Variants in CDH3 observed in about 807,000 individuals in gnomAD.
CDH3 encodes cadherin 3.
Under a neutral mutation model 82.0 loss-of-function variants are expected in CDH3, and 54 were observed. The observed-to-expected ratio is 0.66, with a 90% CI of 0.53 to 0.83. The LOEUF (loss-of-function observed/expected upper bound fraction) is 0.83. CDH3 is among the 40% of genes least tolerant of loss of function. The pLI, the probability that CDH3 is intolerant of heterozygous loss-of-function variation, is 0.00. For missense variants in CDH3, 1,054 were observed against 1,084.6 expected (o/e 0.97, Z 0.40); for synonymous variants, 446 against 437.9 (o/e 1.02, Z -0.23).
chr16:68,731,231 A>G (rs1290961469), downstream of CDH3, among the ~76,000 whole-genome samples: 1 of 133,200 alleles, frequency 7.5e-6, no homozygotes, highest in African/African-American at 2.8e-5. Context: ...GTGGTGGCGC[A>G]TGCCTGTAAT....
rs370042148 is a variant in CDH3 at position 68,686,552 on chromosome 16, G to C, written c.1571-960G>C. The C allele has an allele frequency of 8.5e-5, 100 of 1,176,220 alleles. No individual in the cohort carries two copies. The African/African-American group carries it at 1.3e-3, about 16-fold the overall frequency. 72.9% of individuals were successfully genotyped at this position (1,176,220 alleles called of 1,614,324 possible). A position where few individuals can be genotyped will look rare whatever the true frequency, so the allele number is the denominator to read the frequency against. ...ATCGGATTCTAAAGGAAAGGGTGGA[G>C]GGATTCAACCAGTTAGCGTGAAAGT... On this transcript the variant is annotated intron_variant, in intron 11 of 15. Transcript: ENST00000264012.
chr16:68,691,389 A>C (rs1394394742), intron 12 of CDH3, among the ~76,000 whole-genome samples: 1 of 152,188 alleles, frequency 6.6e-6, no homozygotes, highest in Non-Finnish European at 1.5e-5. Flanking sequence ...TTTTTGAAGC[A>C]AAAAAACAGT....
intron 2 of CDH3, among the ~76,000 whole-genome samples, chr16:68,724,644 T>C (rs1211694450): frequency 7.0e-6 from 1 of 142,010 alleles, no homozygotes; most frequent in East Asian, 2.0e-4. Flanking sequence ...AAAAAAAAAA[T>C]GGTCTCGAGA....
chr16:68,728,127 T>C (rs1962238049), downstream of CDH3, among the ~76,000 whole-genome samples: 1 of 151,610 alleles, frequency 6.6e-6, no homozygotes, highest in Admixed American at 6.6e-5. Context: ...GATAAGTGTT[T>C]ACTTGTCTCC....
At chr16:68,718,606 C>T (rs757772858) in intron 1 of CDH3, among the ~76,000 whole-genome samples, 7 of 151,984 alleles carry the variant, frequency 4.6e-5, no homozygotes, top group Admixed American at 6.6e-5. Context: ...CGCTTGAACC[C>T]GGGAGGTGGA....
At chr16:68,713,197 C>T (rs1182023456) in intron 1 of CDH3, among the ~76,000 whole-genome samples, 1 of 152,068 alleles carries the variant, frequency 6.6e-6, no homozygotes, top group Non-Finnish European at 1.5e-5. Context: ...ACATTGTTTC[C>T]GTCAAGGAAA....
chr16:68,720,311 C>T (rs1378478676), intron 1 of CDH3, among the ~76,000 whole-genome samples: 1 of 151,886 alleles, frequency 6.6e-6, no homozygotes, highest in Non-Finnish European at 1.5e-5. Context: ...CTGTGAAATT[C>T]TGGGTAGCAA....
chr16:68,695,493 C>A, intron 14 of CDH3, 108 bp downstream of exon 14: 1 of 1,127,806 alleles, frequency 8.9e-7, no homozygotes, highest in Non-Finnish European at 1.3e-6. Flanking sequence ...CAGGCCCTGG[C>A]ATGAAGCATG....
rs1960247304 is a variant in CDH3 at position 68,651,516 on chromosome 16, G to A, written c.160+5766G>A. ...GTCGAAGTTTTGCTCCTGCTTCTTT[G>A]AGTACCTGACACTGATGTCCACCCC... On this transcript the variant is annotated intron_variant, in intron 2 of 15. Coordinates refer to ENST00000264012, the MANE Select transcript of CDH3 (RefSeq NM_001793.6). 1.4e-5 allele frequency: 7 copies of A among 495,978 alleles called. No individual in the cohort carries two copies. In the Admixed American group the frequency reaches 1.6e-4, roughly 11 times the overall value. The allele number at this position is 495,978 out of a possible 1,614,324, so 30.7% of individuals were successfully genotyped here.
intron 8 of CDH3, 47 bp from the exon 9 acceptor site, chr16:68,682,255 G>A: frequency 6.3e-7 from 1 of 1,589,690 alleles, no homozygotes; most frequent in Non-Finnish European, 8.6e-7. Flanking sequence ...TCTGGAGTAG[G>A]ACAGTCATTC....
intron 11 of CDH3, 32 bp downstream of exon 11, chr16:68,685,382 G>A: frequency 1.9e-6 from 3 of 1,612,006 alleles, no homozygotes; most frequent in Non-Finnish European, 2.5e-6. Flanking sequence ...TCCCACAAGG[G>A]CCACTTTTGG....
downstream of CDH3, among the ~76,000 whole-genome samples, chr16:68,703,514 CAGGCTAA>C (rs970462798): frequency 4.3e-4 from 65 of 152,346 alleles, no homozygotes; most frequent in African/African-American, 1.6e-3. Context: ...CGACTCCCTC[CAGGCTAA>C]AGGCAGAACC....
At chr16:68,662,544 CTTTTTTTTTTTT>C (rs34173111) in intron 2 of CDH3, among the ~76,000 whole-genome samples, 1 of 94,046 alleles carries the variant, frequency 1.1e-5, no homozygotes, top group Non-Finnish European at 2.1e-5. Flanking sequence ...TGAAGCCAGC[CTTTTTTTTTTTT>C]TTTTTTTTGG....
intron 2 of CDH3, among the ~76,000 whole-genome samples, chr16:68,661,073 G>T (rs1597795633): frequency 6.6e-6 from 1 of 152,078 alleles, no homozygotes; most frequent in African/African-American, 2.4e-5. Flanking sequence ...GGGTGGAGGG[G>T]CCAAGGGGAT....
At chr16:68,645,842 ACTCCTGGC>A in intron 2 of CDH3, 92 bp downstream of exon 2, 1 of 945,636 alleles carries the variant, frequency 1.1e-6, no homozygotes, top group East Asian at 2.7e-5. Context: ...GGGGCAAGGG[ACTCCTGGC>A]GCCACCTCAG....
At chr16:68,729,759 G>A (rs544003336), downstream of CDH3, among the ~76,000 whole-genome samples, 18 of 152,150 alleles carry the variant, frequency 1.2e-4, no homozygotes, top group Non-Finnish European at 2.2e-4. Flanking sequence ...AGCCTCCCTA[G>A]TAGCTGGGAC....
intron 2 of CDH3, among the ~76,000 whole-genome samples, chr16:68,664,536 A>G (rs1960683822): frequency 6.6e-6 from 1 of 152,192 alleles, no homozygotes; most frequent in South Asian, 2.1e-4. Context: ...TTGCCAGATG[A>G]TTCTATCAGC....
chr16:68,728,139 T>A (rs954505475), downstream of CDH3, among the ~76,000 whole-genome samples: 4 of 148,598 alleles, frequency 2.7e-5, no homozygotes, highest in Non-Finnish European at 6.0e-5. Context: ...CTTGTCTCCA[T>A]CCCACAGTAC....
chr16:68,687,107 CCA>C (rs1961432796), intron 11 of CDH3, among the ~76,000 whole-genome samples: 1 of 152,176 alleles, frequency 6.6e-6, no homozygotes, highest in African/African-American at 2.4e-5. Context: ...ATTAGTGATG[CCA>C]CACCATAACA....
Sources: gnomAD v4.1 joint callset for allele counts (sites outside exome capture counted in the v4.1 genomes callset) on GRCh38, gnomAD v4.1.1 for gene constraint, MANE v1.5 for transcripts, NCBI Gene and HGNC (gene_info 2026-07-23, HGNC 2026-07-21) for gene names.